Variants in ZNF28 observed in about 807,000 individuals in gnomAD.
ZNF28 encodes zinc finger protein 28, also known as zinc finger protein KOX24.
ZNF28 carries 5 observed loss-of-function variants against 7.2 expected under a neutral mutation model. The ratio of observed to expected loss-of-function variants is 0.70; its 90% confidence interval spans 0.36 to 1.46. ZNF28 has a LOEUF of 1.46. Among genes scored for constraint, ZNF28 ranks in the 40% most tolerant of loss-of-function variants. ZNF28 has a pLI of 0.03. For synonymous variants in ZNF28, 288 were observed against 292.4 expected, an observed-to-expected ratio of 0.99 and a Z score of 0.15; for missense variants, 879 against 866.6, an observed-to-expected ratio of 1.01 and a Z score of -0.18.
intron 2 of ZNF28, among the ~76,000 whole-genome samples, chr19:52,817,664 C>A (rs1349579603): frequency 6.6e-6 from 1 of 152,064 alleles, no homozygotes; most frequent in Non-Finnish European, 1.5e-5. Context: ...ACCCTGCTGC[C>A]CAACAGCACT....
At chr19:52,813,079 C>T (rs531975509) in intron 2 of ZNF28, among the ~76,000 whole-genome samples, 9 of 151,964 alleles carry the variant, frequency 5.9e-5, no homozygotes, top group Admixed American at 2.6e-4. Flanking sequence ...CCTAAATCTC[C>T]AGTTGTGGTA....
chr19:52,809,851 G>A (rs2062993123), intron 2 of ZNF28: 2 of 587,186 alleles, frequency 3.4e-6, no homozygotes, highest in Non-Finnish European at 5.9e-6. Context: ...GGCGGTGGTG[G>A]CAGTAGCACT....
rs117804155 is a variant in ZNF28, at chr19:52,814,102, T to A, written c.15+3842A>T. ...TCATAATGCTGCAGAAATACACGTG[T>A]ACAAGACTTGCTCTGACACCTGGCA... On this transcript the variant is annotated intron_variant, in intron 2 of 3. Transcript: ENST00000457749. Among the ~76,000 whole-genome samples the A allele has an allele frequency of 2.6e-4, 38 of 146,674 alleles. 3 individuals carry two copies. The highest frequency in any genetic ancestry group is 4.0e-4 in the Non-Finnish European group (27 of 67,644).
intron 2 of ZNF28, among the ~76,000 whole-genome samples, chr19:52,809,246 G>C (rs1379058027): frequency 6.6e-6 from 1 of 152,144 alleles, no homozygotes; most frequent in Non-Finnish European, 1.5e-5. Context: ...TCAGATATCT[G>C]TAGTAATGCG....
At chr19:52,802,422 G>A (rs543019418) in intron 3 of ZNF28, among the ~76,000 whole-genome samples, 187 of 151,872 alleles carry the variant, frequency 1.2e-3, no homozygotes, top group Non-Finnish European at 2.3e-3. Flanking sequence ...GCTCATGCCT[G>A]TAATCCCAGT....
At chr19:52,809,919 G>A (rs1322337432) in intron 2 of ZNF28, 17 of 849,304 alleles carry the variant, frequency 2.0e-5, no homozygotes, top group African/African-American at 1.3e-4. Flanking sequence ...GCCCGGGGCC[G>A]GTGGGGAGGC....
intron 2 of ZNF28, among the ~76,000 whole-genome samples, chr19:52,812,762 TAAAA>T (rs56944474): frequency 9.9e-4 from 75 of 75,426 alleles, no homozygotes; most frequent in African/African-American, 2.7e-3. Context: ...GAATGATCAA[TAAAA>T]AAAAAAAAAA....
chr19:52,801,843 T>C, intron 3 of ZNF28, 141 bp from the exon 4 acceptor site: 1 of 771,060 alleles, frequency 1.3e-6, no homozygotes, highest in Non-Finnish European at 2.0e-6. Context: ...ACAAAAGGAG[T>C]AAGATTCTTT....
chr19:52,803,880 C>T (rs527278378), intron 3 of ZNF28, among the ~76,000 whole-genome samples: 3 of 151,992 alleles, frequency 2.0e-5, no homozygotes, highest in Non-Finnish European at 4.4e-5. Context: ...ACATTTGTAC[C>T]CAGAAGGTGA....
chr19:52,820,730 T>C (rs2063186932), intron 1 of ZNF28, among the ~76,000 whole-genome samples: 1 of 152,212 alleles, frequency 6.6e-6, no homozygotes, highest in Non-Finnish European at 1.5e-5. Flanking sequence ...CATCTCTCTG[T>C]ACATCTAGCT....
Position 52,802,862 on chromosome 19 carries a change from G to C in ZNF28, c.143-1160C>G, listed in dbSNP as rs535858282. ...TGCAAGCTCCACCTCCCGGGTTCAC[G>C]CCATTCTCCTGCCTCAGCCTCCCCA... On this transcript the variant is annotated intron_variant, in intron 3 of 3. Transcript: ENST00000457749. 2.0e-5 allele frequency among the ~76,000 whole-genome samples: 3 copies of C among 147,120 alleles called. No individual in the cohort carries two copies. In the South Asian group the frequency reaches 6.5e-4, roughly 32 times the overall value.
rs1778151717 is a variant in ZNF28 at position 52,797,596 on chromosome 19, C to T, written c.*2092G>A. The T allele has an allele frequency of 6.5e-6, 1 of 152,948 alleles. No individual in the cohort carries two copies. The highest frequency in any genetic ancestry group is 1.5e-5 in the Non-Finnish European group (1 of 68,030). 9.5% of individuals were successfully genotyped at this position (152,948 alleles called of 1,614,324 possible). A position where few individuals can be genotyped will look rare whatever the true frequency, so the allele number is the denominator to read the frequency against. On this transcript the variant is annotated 3_prime_UTR_variant, in exon 4 of 4. Transcript: ENST00000457749. ...AATAATTTTAAAATAAAATTAAAAA[C>T]CACTTCCATTTGCTAAAGAGCTTAA...
At position 52,798,627 on chromosome 19, in the gene ZNF28, T is replaced by A. The variant is rs1009544633; in HGVS notation, c.*1061A>T. On this transcript the variant is annotated 3_prime_UTR_variant, in exon 4 of 4. Transcript: ENST00000457749. The stretch of plus-strand genomic sequence containing the variant: ...GTGAGTTTCTCTCCTGTATGAATCC[T>A]CCTATGTTTTGCATAGGATGAAACT... 155 of 350,810 alleles carry A rather than the reference T, an allele frequency of 4.4e-4. 5 individuals are homozygous for A. The highest frequency in any genetic ancestry group is 2.4e-3 in the South Asian group (138 of 56,722). The allele number at this position is 350,810 out of a possible 1,614,324, so 21.7% of individuals were successfully genotyped here. A position where few individuals can be genotyped will look rare whatever the true frequency, so the allele number is the denominator to read the frequency against.
Position 52,801,127 on chromosome 19 carries a change from C to G in ZNF28, c.718G>C (p.Glu240Gln). 6.2e-7 allele frequency: 1 copy of G among 1,614,044 alleles called. No homozygotes were observed. Among genetic ancestry groups the G allele is most frequent in the Non-Finnish European group, 8.5e-7 (1 of 1,179,980 alleles). ...LKKHQITHLE[E>Q]KQCKCDVYGK... ...TATACATCACATTTACATTGTTTCTCTTCTAAGTGGGTTATCTGATGTTTT... is the reference window on the plus strand; with the variant it reads ...TATACATCACATTTACATTGTTTCTGTTCTAAGTGGGTTATCTGATGTTTT... The change falls in exon 4 of 4, where the codon GAG becomes CAG. Residue 240 changes from glutamate to glutamine, a missense_variant. Coordinates refer to ENST00000457749, the MANE Select transcript of ZNF28 (RefSeq NM_006969.5).
intron 3 of ZNF28, among the ~76,000 whole-genome samples, chr19:52,806,695 A>T (rs2062941271): frequency 6.6e-6 from 1 of 151,978 alleles, no homozygotes; most frequent in Admixed American, 6.6e-5. Context: ...TGAGATCAGA[A>T]GTTTGAAACC....
At chr19:52,818,147 T>G (rs529912921) in intron 1 of ZNF28, 116 bp from the exon 2 acceptor site, 4 of 1,114,364 alleles carry the variant, frequency 3.6e-6, no homozygotes, top group Non-Finnish European at 4.9e-6. Context: ...CTATGCTGCC[T>G]ACCGCACCAC....
intron 2 of ZNF28, chr19:52,809,968 A>T: frequency 1.3e-6 from 1 of 791,806 alleles, no homozygotes. Flanking sequence ...GACGATGGGA[A>T]CGGCCTGGAG....
chr19:52,818,183 T>A (rs7248229), intron 1 of ZNF28, among the ~76,000 whole-genome samples, 152 bp from the exon 2 acceptor site: 1 of 151,566 alleles, frequency 6.6e-6, no homozygotes, highest in East Asian at 1.9e-4. Context: ...ACAGGAAAAC[T>A]CCCACTCTAC....
rs527278378 is a variant in ZNF28, at chr19:52,803,880, C to G, written c.143-2178G>C. 2.0e-5 allele frequency among the ~76,000 whole-genome samples: 3 copies of G among 152,110 alleles called. No individual in the cohort carries two copies. The East Asian group carries it at 5.8e-4, about 29-fold the overall frequency. On this transcript the variant is annotated intron_variant, in intron 3 of 3. Transcript: ENST00000457749. ...AGTCTGAGGCAGAAAACATTTGTAC[C>G]CAGAAGGTGAAGGTTGCAGTGAGCT...
Sources: gnomAD v4.1 joint callset for allele counts (sites outside exome capture counted in the v4.1 genomes callset) on GRCh38, gnomAD v4.1.1 for gene constraint, MANE v1.5 for transcripts, NCBI Gene and HGNC (gene_info 2026-07-23, HGNC 2026-07-21) for gene names.